Variants in TECPR2 observed in about 807,000 individuals in gnomAD.
The protein encoded by TECPR2 is tectonin beta-propeller repeat-containing protein 2.
Under a neutral mutation model 138.1 loss-of-function variants are expected in TECPR2, and 65 were observed. The ratio of observed to expected loss-of-function variants is 0.47; its 90% CI spans 0.39 to 0.58. TECPR2 has a LOEUF of 0.58. TECPR2 is among the 20% of genes least tolerant of loss of function. The pLI, the probability that TECPR2 is intolerant of heterozygous loss-of-function variation, is 0.00. For synonymous variants in TECPR2, 746 were observed against 749.8 expected (o/e 0.99, Z 0.08); for missense variants, 1,553 against 1,824.5 (o/e 0.85, Z 2.71).
chr14:102,432,018 GCAGC>G lies in TECPR2; in HGVS notation c.1313_1316del (p.Gln438ProfsTer20). ...CAGGCCACCCCTGAGCTGGGCAAGG[GCAGC>G]CAGCCCCTGTCACAGAGATTCAACG... is the stretch of plus-strand genomic sequence containing the variant. On this transcript the variant is annotated frameshift_variant, in exon 8 of 20. Transcript: ENST00000359520. LOFTEE classifies it high-confidence loss of function. 1.2e-6 allele frequency: 2 copies of G among 1,612,846 alleles called. No individual in the cohort carries two copies. The highest frequency in any genetic ancestry group is 1.7e-6 in the Non-Finnish European group (2 of 1,179,934).
intron 17 of TECPR2, among the ~76,000 whole-genome samples, chr14:102,485,833 G>A (rs535189269): frequency 1.3e-5 from 2 of 152,322 alleles, no homozygotes; most frequent in South Asian, 2.1e-4. Context: ...AGAGCAGGGC[G>A]ATGAGCTATC....
chr14:102,376,465 A>G (rs922544444), intron 1 of TECPR2, among the ~76,000 whole-genome samples, 185 bp from the exon 2 acceptor site: 1 of 152,220 alleles, frequency 6.6e-6, no homozygotes, highest in Non-Finnish European at 1.5e-5. Flanking sequence ...AGGTCAGAAC[A>G]TACTGAAGTG....
intron 11 of TECPR2, among the ~76,000 whole-genome samples, chr14:102,442,501 G>A (rs1889862002): frequency 6.6e-6 from 1 of 152,252 alleles, no homozygotes; most frequent in Admixed American, 6.5e-5. Flanking sequence ...TAAGCTGCCA[G>A]GACATTTGAG....
rs537811865 is a variant in TECPR2 at position 102,399,219 on chromosome 14, G to A, written c.220-8119G>A. On this transcript the variant is annotated intron_variant, in intron 2 of 19. Coordinates refer to ENST00000359520, the MANE Select transcript of TECPR2 (RefSeq NM_014844.5). ...AGAGGTTGCAGTGAGCTGAGATCAG[G>A]ACACTGCACTCCAGCCTGGATGACA... Among the ~76,000 whole-genome samples, 4 of 152,310 alleles carry A rather than the reference G, an allele frequency of 2.6e-5. No homozygotes were observed. The South Asian group carries it at 8.3e-4, about 32-fold the overall frequency.
rs1047023904 is a variant in TECPR2 at position 102,455,138 on chromosome 14, A to G, written c.3640+2511A>G. On this transcript the variant is annotated intron_variant, in intron 16 of 19. Transcript: ENST00000359520. ...CAGGAACAAGTCCATCCTGAGTCCA[A>G]GATGGCCTTGGGCCATCTGGTGTTC... Among the ~76,000 whole-genome samples the G allele has an allele frequency of 4.6e-5, 7 of 152,174 alleles. No homozygotes were observed. The East Asian group carries it at 1.3e-3, about 29-fold the overall frequency.
intron 1 of TECPR2, among the ~76,000 whole-genome samples, chr14:102,368,838 C>T (rs545118722): frequency 6.6e-6 from 1 of 151,772 alleles, no homozygotes; most frequent in Non-Finnish European, 1.5e-5. Flanking sequence ...GGTGAGGAGG[C>T]GCCAGGCTTG....
chr14:102,502,131 G>A lies in TECPR2; in HGVS notation c.*3874G>A, dbSNP rs1891453112. ...TGCAGCTATTAAGAAGCACGTGTGT[G>A]CAGGAAGCGGAGGCGCAGGACCTCA... On this transcript the variant is annotated 3_prime_UTR_variant, in exon 20 of 20. Coordinates refer to ENST00000359520, the MANE Select transcript of TECPR2 (RefSeq NM_014844.5). The A allele has an allele frequency of 6.6e-6, 1 of 152,262 alleles. No individual in the cohort carries two copies. The highest frequency in any genetic ancestry group is 2.4e-5 in the African/African-American group (1 of 41,470). The allele number at this position is 152,262 out of a possible 1,614,324, so 9.4% of individuals were successfully genotyped here. A position where few individuals can be genotyped will look rare whatever the true frequency, so the allele number is the denominator to read the frequency against.
chr14:102,439,075 A>G (rs1253629942), intron 10 of TECPR2, among the ~76,000 whole-genome samples: 2 of 151,986 alleles, frequency 1.3e-5, no homozygotes, highest in African/African-American at 4.8e-5. Context: ...TGTGGTAGCC[A>G]GGATGGTCTT....
chr14:102,386,341 G>A (rs912758395), intron 2 of TECPR2, among the ~76,000 whole-genome samples: 1 of 151,982 alleles, frequency 6.6e-6, no homozygotes, highest in Non-Finnish European at 1.5e-5. Context: ...GTGGTGGCGG[G>A]CACCTGTAAT....
chr14:102,449,838 T>G lies in TECPR2; in HGVS notation c.3285T>G (p.Asn1095Lys). 1 of 1,614,038 alleles carries G rather than the reference T, an allele frequency of 6.2e-7. No homozygotes were observed. Among genetic ancestry groups the G allele is most frequent in the South Asian group, 1.1e-5 (1 of 91,076 alleles). ...NSGVWISSGK[N>K]EFHVAKGSLI... ...GTGTCTGGATCTCCTCGGGCAAGAATGAATTCCACGTCGCTAAGGGAAGTC... is the reference window on the plus strand; with the variant it reads ...GTGTCTGGATCTCCTCGGGCAAGAAGGAATTCCACGTCGCTAAGGGAAGTC... Residue 1095 changes from asparagine to lysine, a missense_variant, in exon 14 of 20, where the codon AAT becomes AAG. Coordinates refer to ENST00000359520, the MANE Select transcript of TECPR2 (RefSeq NM_014844.5).
chr14:102,433,578 T>C (rs1889571014), intron 8 of TECPR2, among the ~76,000 whole-genome samples: 1 of 152,102 alleles, frequency 6.6e-6, no homozygotes, highest in Non-Finnish European at 1.5e-5. Context: ...TAGAGTGCAA[T>C]GGTGCGATCT....
At chr14:102,393,864 T>C (rs1888246500) in intron 2 of TECPR2, among the ~76,000 whole-genome samples, 1 of 152,138 alleles carries the variant, frequency 6.6e-6, no homozygotes, top group Admixed American at 6.5e-5. Context: ...CTGGTCATGA[T>C]CATTTTTATT....
chr14:102,419,276 T>A lies in TECPR2; in HGVS notation c.638+4483T>A, dbSNP rs1889112563. Among the ~76,000 whole-genome samples, 2 of 152,056 alleles carry A rather than the reference T, an allele frequency of 1.3e-5. No homozygotes were observed. Among genetic ancestry groups the A allele is most frequent in the Non-Finnish European group, 2.9e-5 (2 of 67,996 alleles). On this transcript the variant is annotated intron_variant, in intron 5 of 19. Transcript: ENST00000359520. This position sits in a 1 kb window ranked among gnomAD's most constrained non-coding sequence, Gnocchi z 4.8. The stretch of plus-strand genomic sequence containing the variant: ...TGGAGGCTGTGCACAGCCCTCCTCA[T>A]CAGCAGGGCCAAGGGATTGGAAGGG...
chr14:102,363,503 C>T (rs975874530), intron 1 of TECPR2, among the ~76,000 whole-genome samples: 5 of 152,000 alleles, frequency 3.3e-5, no homozygotes, highest in African/African-American at 1.2e-4. Context: ...GTCCCCCACT[C>T]GCAGCCCGCG....
intron 5 of TECPR2, among the ~76,000 whole-genome samples, chr14:102,424,580 C>T (rs917394864): frequency 2.6e-5 from 4 of 152,232 alleles, no homozygotes; most frequent in East Asian, 1.9e-4. Context: ...GATGATCTGC[C>T]GTCTTGGCCT....
At chr14:102,431,411 C>G (rs565366095) in intron 7 of TECPR2, among the ~76,000 whole-genome samples, 3 of 144,972 alleles carry the variant, frequency 2.1e-5, no homozygotes, top group South Asian at 4.3e-4. Flanking sequence ...GGCGCAATCT[C>G]GGCTCACTGC....
intron 4 of TECPR2, among the ~76,000 whole-genome samples, chr14:102,410,710 A>C (rs1195355549): frequency 6.6e-5 from 10 of 152,372 alleles, no homozygotes; most frequent in African/African-American, 2.4e-4. Context: ...CCTCAAAAAA[A>C]AAAAACTTGT....
chr14:102,442,683 G>A (rs1441395692), intron 11 of TECPR2, among the ~76,000 whole-genome samples: 8 of 152,312 alleles, frequency 5.3e-5, no homozygotes, highest in East Asian at 1.9e-4. Context: ...GGAGTGTGTC[G>A]TGTAAGAAGT....
In TECPR2 at chr14:102,415,461, C is replaced by A. The variant is rs1396995954; in HGVS notation, c.638+668C>A. ...CGAGAAGTCCACCAGCCATACCAGC[C>A]GTGTGGGAAAAGACAACTGGAACAC... On this transcript the variant is annotated intron_variant, in intron 5 of 19. Coordinates refer to ENST00000359520, the MANE Select transcript of TECPR2 (RefSeq NM_014844.5). This position sits in a 1 kb window ranked among gnomAD's most constrained non-coding sequence, Gnocchi z 4.3. Among the ~76,000 whole-genome samples, 1 of 152,114 alleles carries A rather than the reference C, an allele frequency of 6.6e-6. No homozygotes were observed. Among genetic ancestry groups the A allele is most frequent in the African/African-American group, 2.4e-5 (1 of 41,406 alleles).
Sources: allele counts gnomAD v4.1 joint callset (sites outside exome capture counted in the v4.1 genomes callset), GRCh38; gene constraint gnomAD v4.1.1; non-coding constraint Gnocchi (gnomAD v3.1); transcripts MANE v1.5; gene names NCBI Gene and HGNC (gene_info 2026-07-23, HGNC 2026-07-21).